UBOX5: variants seen among roughly 807,000 people sequenced by gnomAD.
UBOX5 encodes the protein U-box domain containing 5.
UBOX5 carries 28 observed loss-of-function variants against 39.0 expected under a neutral mutation model. The ratio of observed to expected loss-of-function variants is 0.72; its 90% CI spans 0.53 to 0.98. The LOEUF (loss-of-function observed/expected upper bound fraction) is 0.98. UBOX5 is among the 50% of genes least tolerant of loss of function. UBOX5 has a pLI of 0.00. For synonymous variants in UBOX5, 283 were observed against 275.5 expected, an observed-to-expected ratio of 1.03 and a Z score of -0.27; for missense variants, 585 against 674.4, an observed-to-expected ratio of 0.87 and a Z score of 1.47.
intron 1 of UBOX5, among the ~76,000 whole-genome samples, chr20:3,143,097 CTTTTTTTTTTTTT>C (rs35450698): frequency 2.3e-4 from 17 of 72,512 alleles, no homozygotes; most frequent in African/African-American, 8.7e-4. Context: ...AATCATCTGT[CTTTTTTTTTTTTT>C]TTTTTTTTTT....
intron 1 of UBOX5, among the ~76,000 whole-genome samples, chr20:3,134,962 T>C (rs186929396): frequency 4.8e-4 from 73 of 152,274 alleles, no homozygotes; most frequent in African/African-American, 1.7e-3. Context: ...GTTTTTCAAT[T>C]TGTGGTTTTT....
At chr20:3,110,506 C>CT (rs2066245504) in intron 4 of UBOX5, 192 bp from the exon 5 acceptor site, 1 of 629,724 alleles carries the variant, frequency 1.6e-6, no homozygotes, top group Non-Finnish European at 2.8e-6. Context: ...GGCCTCTTCT[C>CT]TATCATCTTT....
intron 1 of UBOX5, among the ~76,000 whole-genome samples, chr20:3,135,770 T>C (rs2066466156): frequency 8.1e-6 from 1 of 123,832 alleles, no homozygotes; most frequent in South Asian, 3.1e-4. Flanking sequence ...AGTTATTTCT[T>C]ACTAAAGGTT....
chr20:3,137,491 A>T (rs1276755327), intron 1 of UBOX5, among the ~76,000 whole-genome samples: 1 of 151,404 alleles, frequency 6.6e-6, no homozygotes, highest in Non-Finnish European at 1.5e-5. Context: ...CTGGTCTTGA[A>T]CTCCTGACCT....
chr20:3,117,865 G>A (rs868574422), intron 3 of UBOX5, among the ~76,000 whole-genome samples: 4 of 151,818 alleles, frequency 2.6e-5, no homozygotes, highest in Non-Finnish European at 5.9e-5. Context: ...GGTGGCGAGC[G>A]CCTGTAATCT....
intron 1 of UBOX5, among the ~76,000 whole-genome samples, chr20:3,127,036 CAAAAAAAA>C (rs10579307): frequency 1.5e-5 from 1 of 66,156 alleles, no homozygotes; most frequent in Non-Finnish European, 2.7e-5. Flanking sequence ...AACTCCGTCT[CAAAAAAAA>C]AAAAAAAAAA....
chr20:3,142,604 A>T (rs1346636316), intron 1 of UBOX5, among the ~76,000 whole-genome samples: 1 of 114,582 alleles, frequency 8.7e-6, no homozygotes, highest in Non-Finnish European at 1.9e-5. Context: ...ACTCCGTCTC[A>T]AAAAAAAAAA....
At chr20:3,150,226 A>G (rs2066610868) in intron 1 of UBOX5, among the ~76,000 whole-genome samples, 1 of 152,110 alleles carries the variant, frequency 6.6e-6, no homozygotes, top group Non-Finnish European at 1.5e-5. Flanking sequence ...ATTAGAAAGT[A>G]TACTAAAAAA....
At position 3,115,420 on chromosome 20, in the gene UBOX5, G is replaced by A; in HGVS notation, c.1302C>T (p.Ala434=). Residue 434 remains alanine (A), a synonymous_variant, in exon 4 of 5, where the codon GCC becomes GCT. Coordinates refer to ENST00000217173, the MANE Select transcript of UBOX5 (RefSeq NM_014948.4). ...GCATAGAGCCAAGGGTGGATGCCAA[G>A]GCAATTTCCAAGCTTTGTGACAGCT... ...EQKLSQSLEI[A]LASTLGSMPS... 6.2e-7 allele frequency: 1 copy of A among 1,614,020 alleles called. No homozygotes were observed. Among genetic ancestry groups the A allele is most frequent in the East Asian group, 2.2e-5 (1 of 44,870 alleles).
chr20:3,122,638 A>G lies in UBOX5; in HGVS notation c.55-54T>C, dbSNP rs978360795. The G allele has an allele frequency of 5.1e-5, 77 of 1,510,376 alleles. 2 individuals are homozygous for G. The East Asian group carries it at 9.5e-4, about 19-fold the overall frequency. 93.6% of individuals were successfully genotyped at this position (1,510,376 alleles called of 1,614,324 possible). A position where few individuals can be genotyped will look rare whatever the true frequency, so the allele number is the denominator to read the frequency against. On this transcript the variant is annotated intron_variant, in intron 2 of 4. Coordinates refer to ENST00000217173, the MANE Select transcript of UBOX5 (RefSeq NM_014948.4). ...ATGATCCAAATGAAGACAACTTGTC[A>G]CTTGTAAGAAAACTCTTAAGCCTGA...
chr20:3,150,374 T>C (rs1221154611), intron 1 of UBOX5, among the ~76,000 whole-genome samples: 1 of 152,204 alleles, frequency 6.6e-6, no homozygotes, highest in Admixed American at 6.5e-5. Flanking sequence ...CGCTGACATC[T>C]TCTGGAGAAG....
At chr20:3,140,511 A>G (rs1361508543) in intron 1 of UBOX5, among the ~76,000 whole-genome samples, 1 of 152,124 alleles carries the variant, frequency 6.6e-6, no homozygotes, top group African/African-American at 2.4e-5. Flanking sequence ...TCTCCAACAT[A>G]AAACCTGACC....
At chr20:3,118,262 CAGG>C (rs2066308923) in intron 3 of UBOX5, among the ~76,000 whole-genome samples, 1 of 151,766 alleles carries the variant, frequency 6.6e-6, no homozygotes, top group Admixed American at 6.6e-5. Context: ...AACCTGAGGT[CAGG>C]AGTTCAAGAT....
intron 3 of UBOX5, among the ~76,000 whole-genome samples, 200 bp downstream of exon 3, chr20:3,121,184 T>G (rs752512300): frequency 7.2e-5 from 11 of 152,120 alleles, no homozygotes; most frequent in Non-Finnish European, 1.3e-4. Context: ...CGAGAACACA[T>G]GGAACCCCTC....
At chr20:3,147,389 T>G (rs373583413) in intron 1 of UBOX5, 15 of 1,614,110 alleles carry the variant, frequency 9.3e-6, no homozygotes. Flanking sequence ...AAAGACAGTT[T>G]CTAAGAATTC....
intron 1 of UBOX5, among the ~76,000 whole-genome samples, chr20:3,142,688 G>A (rs889486731): frequency 2.1e-5 from 3 of 142,990 alleles, no homozygotes; most frequent in South Asian, 2.2e-4. Context: ...CACGAGAATC[G>A]CTTGTACCTG....
Position 3,115,456 on chromosome 20 carries a change from G to A in UBOX5, c.1266C>T (p.Ser422=), listed in dbSNP as rs755408958. 2 of 1,612,826 alleles carry A rather than the reference G, an allele frequency of 1.2e-6. No individual in the cohort carries two copies. Among genetic ancestry groups the A allele is most frequent in the East Asian group, 4.5e-5 (2 of 44,830 alleles). The change falls in exon 4 of 5, where the codon TCC becomes TCT. Residue 422 remains serine (S), a synonymous_variant. Coordinates refer to ENST00000217173, the MANE Select transcript of UBOX5 (RefSeq NM_014948.4). ...THMDCSTGPL[S]HEQKLSQSLE... ...AGCTTTGTGACAGCTTCTGCTCGTG[G>A]GACAGTGGACCTGTCGAGAGATGCG...
At position 3,122,328 on chromosome 20, in the gene UBOX5, G is replaced by A. The variant is rs2066344777; in HGVS notation, c.311C>T (p.Pro104Leu). 1 of 1,614,202 alleles carries A rather than the reference G, an allele frequency of 6.2e-7. No homozygotes were observed. Among genetic ancestry groups the A allele is most frequent in the African/African-American group, 1.3e-5 (1 of 75,054 alleles). ...CTTGTCTGGGACAGATGGCTCAGCT[G>A]GGCCCAGGGTCCGGCACTGGGGCGT... ...WNTPQCRTLG[P>L]AEPSVPDKEA... The change falls in exon 3 of 5, where the codon CCA becomes CTA. Residue 104 changes from proline to leucine, a missense_variant. Coordinates refer to ENST00000217173, the MANE Select transcript of UBOX5 (RefSeq NM_014948.4).
At chr20:3,114,339 G>A (rs576992220) in intron 4 of UBOX5, among the ~76,000 whole-genome samples, 42 of 152,104 alleles carry the variant, frequency 2.8e-4, no homozygotes, top group Middle Eastern at 3.4e-3. Flanking sequence ...AGGGACCACC[G>A]AAGATAGGAG....
Sources: gnomAD v4.1 joint callset for allele counts (sites outside exome capture counted in the v4.1 genomes callset) on GRCh38, gnomAD v4.1.1 for gene constraint, MANE v1.5 for transcripts, NCBI Gene and HGNC (gene_info 2026-07-23, HGNC 2026-07-21) for gene names.